Variants in TNS1 observed in about 807,000 individuals in gnomAD.
TNS1 encodes tensin 1, also known as tensin-1.
A neutral mutation model predicts 168.6 loss-of-function variants in TNS1; 62 were observed. The ratio of observed to expected loss-of-function variants is 0.37; its 90% CI spans 0.30 to 0.45. TNS1 has a LOEUF of 0.45. Ranked by LOEUF, TNS1 falls within the 20% of genes least tolerant of loss-of-function variation. The probability of loss-of-function intolerance (pLI) is 1.00; values close to 1 mark genes in which losing one functional copy is unlikely to be tolerated. For synonymous variants in TNS1, 934 were observed against 933.2 expected (o/e 1.00, Z -0.02); for missense variants, 2,240 against 2,339.4 (o/e 0.96, Z 0.88).
intron 16 of TNS1, 65 bp from the exon 17 acceptor site, chr2:217,882,476 T>C: frequency 8.8e-7 from 1 of 1,141,228 alleles, no homozygotes; most frequent in Non-Finnish European, 1.3e-6. Context: ...ATAAAAAGTT[T>C]TCTTCTAGAA....
intron 18 of TNS1, chr2:217,879,409 T>A (rs778212595): frequency 4.4e-6 from 2 of 453,938 alleles, no homozygotes; most frequent in South Asian, 3.1e-5. Context: ...TGCTTTCTGC[T>A]TGGCCGCTCA....
chr2:217,832,253 A>G (rs1001968766), intron 21 of TNS1, among the ~76,000 whole-genome samples: 1 of 152,204 alleles, frequency 6.6e-6, no homozygotes, highest in Non-Finnish European at 1.5e-5. Flanking sequence ...CCCACTCCCT[A>G]TGCGAAGCCT....
chr2:217,901,485 A>G (rs1575013999), intron 6 of TNS1, among the ~76,000 whole-genome samples: 1 of 152,136 alleles, frequency 6.6e-6, no homozygotes, highest in Admixed American at 6.5e-5. Flanking sequence ...GAAAACCAAC[A>G]CCCTGCATCG....
chr2:218,026,058 A>T (rs887290367), intron 1 of TNS1, among the ~76,000 whole-genome samples: 1 of 152,220 alleles, frequency 6.6e-6, no homozygotes, highest in Non-Finnish European at 1.5e-5. Context: ...TCCTCCATTC[A>T]GTCCCATCTT....
chr2:217,892,392 G>T (rs922856979), intron 11 of TNS1, among the ~76,000 whole-genome samples: 1 of 152,252 alleles, frequency 6.6e-6, no homozygotes, highest in Non-Finnish European at 1.5e-5. Context: ...GTGAGCCACT[G>T]CGCCCAGCCA....
intron 16 of TNS1, among the ~76,000 whole-genome samples, chr2:217,883,828 C>A (rs1386268874): frequency 6.6e-6 from 1 of 152,200 alleles, no homozygotes. Flanking sequence ...CTAAGGAGAT[C>A]TGGACCCTCC....
At chr2:217,940,330 C>T (rs1956849909) in intron 3 of TNS1, among the ~76,000 whole-genome samples, 1 of 152,208 alleles carries the variant, frequency 6.6e-6, no homozygotes, top group Non-Finnish European at 1.5e-5. Flanking sequence ...TGCCCCCCAC[C>T]TCCAAACATA....
chr2:217,876,491 A>T (rs1330386846), intron 18 of TNS1, among the ~76,000 whole-genome samples: 1 of 152,110 alleles, frequency 6.6e-6, no homozygotes, highest in Non-Finnish European at 1.5e-5. Flanking sequence ...TCTCCCCACC[A>T]CCTGTCCTTG....
At chr2:217,938,846 G>A (rs1216821998) in intron 3 of TNS1, among the ~76,000 whole-genome samples, 2 of 152,282 alleles carry the variant, frequency 1.3e-5, no homozygotes, top group Admixed American at 6.5e-5. Context: ...CCGGAGGGCC[G>A]CTCAGCTCCC....
chr2:218,030,647 C>A (rs1449950415), intron 1 of TNS1, among the ~76,000 whole-genome samples: 1 of 152,264 alleles, frequency 6.6e-6, no homozygotes, highest in Non-Finnish European at 1.5e-5. Flanking sequence ...GGATGAAACC[C>A]TCACTTGTCT....
At chr2:217,826,601 G>GCCC (rs1424143970) in intron 22 of TNS1, among the ~76,000 whole-genome samples, 3 of 152,156 alleles carry the variant, frequency 2.0e-5, no homozygotes, top group African/African-American at 7.2e-5. Flanking sequence ...CCCTGCTGCT[G>GCCC]CCTCCGCTGC....
Position 217,848,911 on chromosome 2 carries a change from C to T in TNS1, c.1606G>A (p.Ala536Thr). 2 of 1,614,168 alleles carry T rather than the reference C, an allele frequency of 1.2e-6. No homozygotes were observed. Among genetic ancestry groups the T allele is most frequent in the Non-Finnish European group, 1.7e-6 (2 of 1,180,022 alleles). ...TCGGTCTTGTCGGTCTTGGTGGAGG[C>T]TGTGGAGTTGCCCGAGTCGCTGCTC... is the stretch of plus-strand genomic sequence containing the variant. The part of the protein sequence containing the change: ...SVSSDSGNST[A>T]STKTDKTDEP... Residue 536 changes from alanine to threonine, a missense_variant, in exon 19 of 33, where the codon GCC (alanine) becomes ACC (threonine). This residue lies in a region of TNS1 where 2,131 missense variants were observed against 2,171.2 expected (regional missense o/e 0.98). Coordinates refer to ENST00000682258, the MANE Select transcript of TNS1 (RefSeq NM_001387777.1).
chr2:218,014,699 T>C (rs1370269768), upstream of TNS1, among the ~76,000 whole-genome samples: 1 of 152,200 alleles, frequency 6.6e-6, no homozygotes, highest in Non-Finnish European at 1.5e-5. Context: ...TTCTTGTTGA[T>C]ACATTTGCTG....
intron 18 of TNS1, chr2:217,850,143 G>T (rs151303313): frequency 1.1e-5 from 11 of 985,324 alleles, no homozygotes; most frequent in African/African-American, 1.7e-5. Context: ...AGGTATGCCG[G>T]GCAGGATCAC....
At chr2:217,912,236 C>T (rs1954497564) in intron 4 of TNS1, among the ~76,000 whole-genome samples, 1 of 152,160 alleles carries the variant, frequency 6.6e-6, no homozygotes, top group African/African-American at 2.4e-5. Flanking sequence ...TGTATCTGTG[C>T]TGCTGTTTTA....
At chr2:217,966,244 C>G (rs796270789) in intron 3 of TNS1, among the ~76,000 whole-genome samples, 77 of 151,868 alleles carry the variant, frequency 5.1e-4, no homozygotes, top group African/African-American at 1.8e-3. Flanking sequence ...AGCCTTGCCC[C>G]TCCCTGCTAT....
chr2:217,910,485 G>T (rs1020626067), intron 4 of TNS1, among the ~76,000 whole-genome samples: 1 of 151,974 alleles, frequency 6.6e-6, no homozygotes, highest in Non-Finnish European at 1.5e-5. Context: ...CCAGCCTTGG[G>T]GCTACTGGGA....
chr2:217,919,404 GTGT>G (rs946447733), intron 4 of TNS1, among the ~76,000 whole-genome samples: 1 of 152,218 alleles, frequency 6.6e-6, no homozygotes, highest in Non-Finnish European at 1.5e-5. Flanking sequence ...TGCCCGCAAG[GTGT>G]CCTTCCGGGA....
chr2:217,965,344 T>A (rs911666399), intron 3 of TNS1, among the ~76,000 whole-genome samples: 5 of 152,188 alleles, frequency 3.3e-5, no homozygotes, highest in African/African-American at 1.2e-4. Flanking sequence ...AATGTCACCA[T>A]TTTTATACAG....
Sources: allele counts gnomAD v4.1 joint callset (sites outside exome capture counted in the v4.1 genomes callset), GRCh38; gene constraint gnomAD v4.1.1; regional missense constraint gnomAD v4.1.1; transcripts MANE v1.5; gene names NCBI Gene and HGNC (gene_info 2026-07-23, HGNC 2026-07-21).